Variants in DNAJC9 observed in about 807,000 individuals in gnomAD.
DNAJC9 encodes DnaJ heat shock protein family (Hsp40) member C9, also known as dnaJ homolog subfamily C member 9.
DNAJC9 carries 18 observed loss-of-function variants against 32.4 expected under a neutral mutation model. The observed-to-expected ratio is 0.56, with a 90% CI of 0.38 to 0.82. The LOEUF is 0.82. Ranked by LOEUF, DNAJC9 falls within the 40% of genes least tolerant of loss-of-function variation. DNAJC9 has a pLI of 0.00. For missense variants in DNAJC9, 310 were observed against 321.8 expected (o/e 0.96, Z 0.28); for synonymous variants, 113 against 122.1 (o/e 0.93, Z 0.49).
At chr10:73,232,530 T>C (rs2043729945) in intron 2 of DNAJC9, among the ~76,000 whole-genome samples, 2 of 152,348 alleles carry the variant, frequency 1.3e-5, no homozygotes, top group African/African-American at 4.8e-5. Flanking sequence ...CTTTCAGTTG[T>C]CTTTCTGGTG....
At chr10:73,233,252 A>T in intron 2 of DNAJC9, 1 of 944,228 alleles carries the variant, frequency 1.1e-6, no homozygotes, top group Non-Finnish European at 1.6e-6. Context: ...ACTGAAATCT[A>T]TGCCTAGAAA....
intron 3 of DNAJC9, among the ~76,000 whole-genome samples, chr10:73,245,189 G>C (rs2043992304): frequency 1.3e-5 from 2 of 151,986 alleles, no homozygotes. Flanking sequence ...ATTTTCACCG[G>C]AAACAAAAAG....
chr10:73,233,194 C>T (rs1253813837), intron 2 of DNAJC9: 16 of 1,414,288 alleles, frequency 1.1e-5, no homozygotes, highest in East Asian at 2.5e-5. Context: ...TTCTGGAAAC[C>T]GTGGTAAAAC....
intron 3 of DNAJC9, chr10:73,244,565 T>C (rs2043986494): frequency 6.6e-6 from 1 of 151,364 alleles, no homozygotes; most frequent in African/African-American, 2.4e-5. Context: ...CCAATTTCTC[T>C]CCTGGAAACC....
intron 2 of DNAJC9, among the ~76,000 whole-genome samples, chr10:73,233,351 A>G (rs1001633383): frequency 6.6e-6 from 1 of 151,994 alleles, no homozygotes; most frequent in African/African-American, 2.4e-5. Context: ...ATTTTATTTT[A>G]TTTTTTTAGA....
chr10:73,247,166 C>T lies in DNAJC9; in HGVS notation c.24G>A (p.Glu8=), dbSNP rs770407067. 13 of 1,596,826 alleles carry T rather than the reference C, an allele frequency of 8.1e-6. No homozygotes were observed. The East Asian group carries it at 1.8e-4, about 23-fold the overall frequency. The change falls in exon 1 of 5, where the codon GAG becomes GAA. Residue 8 remains glutamate, a synonymous_variant. Transcript: ENST00000372950. Reference sequence around the variant, plus strand: ...AAAGGTCGGCGGTGCCGAACACTTCCTCGCAAAGGTCCAGCAGCCCCATGC... The same window carrying T: ...AAAGGTCGGCGGTGCCGAACACTTCTTCGCAAAGGTCCAGCAGCCCCATGC... MGLLDLC[E]EVFGTADLYR... is the part of the protein sequence containing the mutation.
At position 73,243,297 on chromosome 10, in the gene DNAJC9, C is replaced by A; in HGVS notation, c.*103G>T. On this transcript the variant is annotated 3_prime_UTR_variant, in exon 5 of 5. Transcript: ENST00000372950. ...TGAAAAATTCAGGCTGGAAAGACAC[C>A]TTTTCTCAAGAGCTGAATTGACTTT... The A allele has an allele frequency of 7.3e-7, 1 of 1,363,248 alleles. No homozygotes were observed. The highest frequency in any genetic ancestry group is 1.0e-6 in the Non-Finnish European group (1 of 990,338). 84.4% of individuals were successfully genotyped at this position (1,363,248 alleles called of 1,614,324 possible). A position where few individuals can be genotyped will look rare whatever the true frequency, so the allele number is the denominator to read the frequency against.
At chr10:73,246,956 A>G in intron 1 of DNAJC9, 54 bp downstream of exon 1, 18 of 1,560,864 alleles carry the variant, frequency 1.2e-5, no homozygotes, top group Non-Finnish European at 1.6e-5. Flanking sequence ...GGTAGCCAAA[A>G]GGCTAGGGGG....
downstream of DNAJC9, among the ~76,000 whole-genome samples, chr10:73,240,038 C>G (rs937805112): frequency 6.6e-6 from 1 of 152,148 alleles, no homozygotes; most frequent in African/African-American, 2.4e-5. Context: ...GATCCTCCCA[C>G]CTAAGCCTCC....
rs1413347506 is a variant in DNAJC9 at position 73,242,495 on chromosome 10, T to A, written c.*905A>T. ...TGTTTTCCCTCAAAGCCAGTGCAATTTTTTTTTAACCAAAAAACTGGACAT... is the reference window on the plus strand; with the variant it reads ...TGTTTTCCCTCAAAGCCAGTGCAATATTTTTTTAACCAAAAAACTGGACAT... On this transcript the variant is annotated 3_prime_UTR_variant, in exon 5 of 5. Coordinates refer to ENST00000372950, the MANE Select transcript of DNAJC9 (RefSeq NM_015190.5). 1 of 151,996 alleles carries A rather than the reference T, an allele frequency of 6.6e-6. No homozygotes were observed. The highest frequency in any genetic ancestry group is 1.5e-5 in the Non-Finnish European group (1 of 67,988). 9.4% of individuals were successfully genotyped at this position (151,996 alleles called of 1,614,324 possible). A position where few individuals can be genotyped will look rare whatever the true frequency, so the allele number is the denominator to read the frequency against.
At chr10:73,236,044 C>T (rs1039003243), downstream of DNAJC9, among the ~76,000 whole-genome samples, 2 of 152,194 alleles carry the variant, frequency 1.3e-5, no homozygotes, top group African/African-American at 4.8e-5. Context: ...AGGGACCCCA[C>T]ATCCTGACAG....
At position 73,242,063 on chromosome 10, in the gene DNAJC9, A is replaced by C. The variant is rs1431123876; in HGVS notation, c.*1337T>G. The C allele has an allele frequency of 6.6e-6, 1 of 152,222 alleles. No homozygotes were observed. Among genetic ancestry groups the C allele is most frequent in the Non-Finnish European group, 1.5e-5 (1 of 68,034 alleles). The allele number at this position is 152,222 out of a possible 1,614,324, so 9.4% of individuals were successfully genotyped here. A position where few individuals can be genotyped will look rare whatever the true frequency, so the allele number is the denominator to read the frequency against. ...AGAATGGATAAATTCAAATAATCATAAATTACGGTAACTTTTTATTATACC... is the reference window on the plus strand; with the variant it reads ...AGAATGGATAAATTCAAATAATCATCAATTACGGTAACTTTTTATTATACC... On this transcript the variant is annotated 3_prime_UTR_variant, in exon 5 of 5. Transcript: ENST00000372950.
intron 2 of DNAJC9, among the ~76,000 whole-genome samples, chr10:73,246,395 G>A (rs2044010490): frequency 6.6e-6 from 1 of 152,120 alleles, no homozygotes; most frequent in African/African-American, 2.4e-5. Flanking sequence ...GGAAATTTAA[G>A]TGAAATTTCC....
At chr10:73,239,411 T>G, downstream of DNAJC9, 1 of 1,526,218 alleles carries the variant, frequency 6.6e-7, no homozygotes, top group Non-Finnish European at 8.9e-7. Context: ...GGCCCTTATT[T>G]ACTACTGTGT....
downstream of DNAJC9, among the ~76,000 whole-genome samples, chr10:73,240,012 A>G (rs1322788382): frequency 6.6e-6 from 1 of 152,086 alleles, no homozygotes; most frequent in Non-Finnish European, 1.5e-5. Flanking sequence ...GTAGCCTCGA[A>G]CTCCGGGGCT....
In DNAJC9 at chr10:73,246,745, A is replaced by C; in HGVS notation, c.264T>G (p.Ser88=). The C allele has an allele frequency of 6.2e-7, 1 of 1,614,056 alleles. No individual in the cohort carries two copies. The highest frequency in any genetic ancestry group is 8.5e-7 in the Non-Finnish European group (1 of 1,179,958). ...YDEQGTVDED[S]PVLTQDRDWE... is the part of the protein sequence containing the mutation. ...AGTCTCGGTCTTGGGTGAGCACAGGAGAGTCCTCGTCCACTGTTCCCTGCT... is the reference window on the plus strand; with the variant it reads ...AGTCTCGGTCTTGGGTGAGCACAGGCGAGTCCTCGTCCACTGTTCCCTGCT... Residue 88 remains serine (S), a synonymous_variant, in exon 2 of 5, where the codon TCT becomes TCG. Transcript: ENST00000372950.
At chr10:73,237,967 A>T (rs568442564), downstream of DNAJC9, among the ~76,000 whole-genome samples, 48 of 149,422 alleles carry the variant, frequency 3.2e-4, no homozygotes, top group South Asian at 8.3e-4. Flanking sequence ...TAAGTTTATT[A>T]AAAAAAAAGT....
chr10:73,239,347 G>T, downstream of DNAJC9: 1 of 1,551,696 alleles, frequency 6.4e-7, no homozygotes, highest in African/African-American at 1.4e-5. Context: ...GTGCAGTTGA[G>T]TATCCTCATC....
chr10:73,240,524 A>T (rs925588943), downstream of DNAJC9, among the ~76,000 whole-genome samples: 4 of 152,136 alleles, frequency 2.6e-5, no homozygotes, highest in South Asian at 2.1e-4. Context: ...CATCCTGGCT[A>T]ACATGGTGAA....
Sources: gnomAD v4.1 joint callset for allele counts (sites outside exome capture counted in the v4.1 genomes callset) on GRCh38, gnomAD v4.1.1 for gene constraint, MANE v1.5 for transcripts, NCBI Gene and HGNC (gene_info 2026-07-23, HGNC 2026-07-21) for gene names.